GDI2: variants seen among roughly 807,000 people sequenced by gnomAD.
GDI2 encodes the protein GDP dissociation inhibitor 2.
GDI2 carries 22 observed loss-of-function variants against 54.2 expected under a neutral mutation model. The ratio of observed to expected loss-of-function variants is 0.41; its 90% CI spans 0.29 to 0.58. GDI2 has a LOEUF of 0.58. Among genes scored for constraint, GDI2 ranks in the 20% least tolerant of loss-of-function variants. GDI2 has a pLI of 0.35. For synonymous variants in GDI2, 177 were observed against 182.1 expected (o/e 0.97, Z 0.23); for missense variants, 422 against 546.0 (o/e 0.77, Z 2.26).
At chr10:5,791,222 G>A (rs575847053) in intron 4 of GDI2, among the ~76,000 whole-genome samples, 59 of 152,248 alleles carry the variant, frequency 3.9e-4, no homozygotes, top group African/African-American at 1.2e-3. Flanking sequence ...TTGAGCCCAG[G>A]AGGTCAAGGC....
At chr10:5,791,342 G>A (rs946069384) in intron 4 of GDI2, among the ~76,000 whole-genome samples, 1 of 152,122 alleles carries the variant, frequency 6.6e-6, no homozygotes, top group Non-Finnish European at 1.5e-5. Flanking sequence ...GGGCACAGTG[G>A]CTCACACCTG....
chr10:5,774,445 C>T lies in GDI2; in HGVS notation c.720-504G>A, dbSNP rs573864285. 3.3e-5 allele frequency among the ~76,000 whole-genome samples: 5 copies of T among 152,236 alleles called. No individual in the cohort carries two copies. The highest frequency in any genetic ancestry group is 6.5e-5 in the Admixed American group (1 of 15,284). On this transcript the variant is annotated intron_variant, in intron 6 of 10. Transcript: ENST00000380191. The surrounding 1 kb of genome is among the most constrained non-coding windows in gnomAD (Gnocchi z 4.8). The stretch of plus-strand genomic sequence containing the variant: ...GGTGCTGTGTGACTCGGATACATTC[C>T]CTAGTAGTAAGAGACCTCTACACCT...
intron 4 of GDI2, among the ~76,000 whole-genome samples, chr10:5,791,291 T>C (rs1427006433): frequency 6.6e-6 from 1 of 151,796 alleles, no homozygotes; most frequent in Non-Finnish European, 1.5e-5. Flanking sequence ...AGACCCTGTT[T>C]CAAAAAAATA....
intron 1 of GDI2, among the ~76,000 whole-genome samples, chr10:5,808,192 A>C (rs577509738): frequency 6.6e-5 from 10 of 152,010 alleles, no homozygotes; most frequent in Non-Finnish European, 2.9e-5. Context: ...CCCAAACTAC[A>C]TGCCTCCTGT....
intron 3 of GDI2, 82 bp from the exon 4 acceptor site, chr10:5,795,101 T>C: frequency 9.1e-6 from 8 of 879,220 alleles, no homozygotes; most frequent in Non-Finnish European, 1.5e-5. Context: ...GCTTCTAAAA[T>C]TTTTTCTAAC....
At chr10:5,798,905 T>C (rs1357903913) in intron 2 of GDI2, among the ~76,000 whole-genome samples, 2 of 151,852 alleles carry the variant, frequency 1.3e-5, no homozygotes, top group Non-Finnish European at 2.9e-5. Flanking sequence ...ACCCAAGAGA[T>C]GGAGGTTGCA....
chr10:5,790,399 G>A (rs369877107), intron 4 of GDI2, among the ~76,000 whole-genome samples: 16 of 152,052 alleles, frequency 1.1e-4, no homozygotes, highest in African/African-American at 2.7e-4. Context: ...ATCCCAGCAC[G>A]TTGGGAGAAC....
intron 4 of GDI2, among the ~76,000 whole-genome samples, chr10:5,794,061 G>A (rs1169758995): frequency 6.6e-6 from 1 of 150,902 alleles, no homozygotes; most frequent in Non-Finnish European, 1.5e-5. Flanking sequence ...CTACTCAGGA[G>A]GCTGAGGCAG....
At chr10:5,779,097 T>C (rs1840692502) in intron 6 of GDI2, among the ~76,000 whole-genome samples, 1 of 152,260 alleles carries the variant, frequency 6.6e-6, no homozygotes, top group African/African-American at 2.4e-5. Context: ...CGTTCAAGGA[T>C]ATTATATGTT....
At chr10:5,791,901 G>A (rs935315066) in intron 4 of GDI2, among the ~76,000 whole-genome samples, 2 of 151,958 alleles carry the variant, frequency 1.3e-5, no homozygotes, top group African/African-American at 4.8e-5. Context: ...GGGGGACAAA[G>A]AAAAAAACAG....
At chr10:5,782,042 A>G (rs1325184642) in intron 6 of GDI2, among the ~76,000 whole-genome samples, 1 of 152,220 alleles carries the variant, frequency 6.6e-6, no homozygotes, top group Non-Finnish European at 1.5e-5. Context: ...ATGCTTATCA[A>G]AAGACCAGCC....
intron 6 of GDI2, among the ~76,000 whole-genome samples, chr10:5,778,184 A>G (rs1411505457): frequency 2.0e-5 from 3 of 152,316 alleles, no homozygotes; most frequent in African/African-American, 7.2e-5. Flanking sequence ...AATGTAGATG[A>G]TGGGTTGATG....
rs1474257021 is a variant in GDI2, at chr10:5,774,280, C to A, written c.720-339G>T. On this transcript the variant is annotated intron_variant, in intron 6 of 10. Transcript: ENST00000380191. This position sits in a 1 kb window ranked among gnomAD's most constrained non-coding sequence, Gnocchi z 4.8. ...GCTCTAAAACTTGCCTCAGTCTCTC[C>A]TTCTACCTTATGCCCCTTGGTCATT... Among the ~76,000 whole-genome samples the A allele has an allele frequency of 1.3e-5, 2 of 152,126 alleles. No homozygotes were observed. Among genetic ancestry groups the A allele is most frequent in the Admixed American group, 6.5e-5 (1 of 15,272 alleles).
chr10:5,777,794 C>G (rs1444388859), intron 6 of GDI2, among the ~76,000 whole-genome samples: 1 of 152,122 alleles, frequency 6.6e-6, no homozygotes, highest in African/African-American at 2.4e-5. Context: ...GGTATATACC[C>G]AAAGGATTAT....
At chr10:5,772,119 A>G (rs1840503441) in intron 7 of GDI2, among the ~76,000 whole-genome samples, 2 of 152,014 alleles carry the variant, frequency 1.3e-5, no homozygotes, top group Admixed American at 6.6e-5. Flanking sequence ...CTAAACAACT[A>G]TTATGCTGAA....
intron 6 of GDI2, among the ~76,000 whole-genome samples, chr10:5,784,625 G>T (rs1588975185): frequency 6.6e-6 from 1 of 152,358 alleles, no homozygotes; most frequent in East Asian, 1.9e-4. Flanking sequence ...ATGCTCCCTT[G>T]ATGTGGTGCT....
chr10:5,796,348 CAA>C (rs60804301), intron 3 of GDI2, among the ~76,000 whole-genome samples: 49,221 of 143,726 alleles, frequency 0.34, 8,396 homozygotes, highest in Non-Finnish European at 0.38. Context: ...GACTCCGTCT[CAA>C]AAAAAAAAAA....
intron 6 of GDI2, among the ~76,000 whole-genome samples, chr10:5,778,429 T>C (rs1227792820): frequency 6.6e-6 from 1 of 152,238 alleles, no homozygotes; most frequent in Non-Finnish European, 1.5e-5. Flanking sequence ...ATTTTGTTAA[T>C]GTGCATTTTG....
chr10:5,807,801 C>T (rs1253064201), intron 1 of GDI2, among the ~76,000 whole-genome samples: 1 of 152,154 alleles, frequency 6.6e-6, no homozygotes, highest in Non-Finnish European at 1.5e-5. Flanking sequence ...TTGCAATCAT[C>T]AAAAACAGAA....
Sources: gnomAD v4.1 joint callset for allele counts (sites outside exome capture counted in the v4.1 genomes callset) on GRCh38, gnomAD v4.1.1 for gene constraint, Gnocchi (gnomAD v3.1) non-coding constraint, MANE v1.5 for transcripts, NCBI Gene and HGNC (gene_info 2026-07-23, HGNC 2026-07-21) for gene names.